The following ADAMTS12 variants were observed in gnomAD, a reference collection of about 807,000 sequenced individuals.
ADAMTS12 encodes A disintegrin and metalloproteinase with thrombospondin motifs 12.
A neutral mutation model predicts 167.8 loss-of-function variants in ADAMTS12; 118 were observed. The ratio of observed to expected loss-of-function variants is 0.70; its 90% CI spans 0.61 to 0.82. The LOEUF is 0.82. Ranked by LOEUF, ADAMTS12 falls within the 40% of genes least tolerant of loss-of-function variation. The pLI, the probability that ADAMTS12 is intolerant of heterozygous loss-of-function variation, is 0.00. For synonymous variants in ADAMTS12, 704 were observed against 716.9 expected (o/e 0.98, Z 0.29); for missense variants, 1,916 against 1,998.8 (o/e 0.96, Z 0.79).
intron 2 of ADAMTS12, among the ~76,000 whole-genome samples, chr5:33,781,148 G>A (rs1746110326): frequency 6.6e-6 from 1 of 151,920 alleles, no homozygotes; most frequent in South Asian, 2.1e-4. Context: ...TAAGAAAATA[G>A]ACAGCTCCAA....
chr5:33,761,122 C>T (rs1339891761), intron 2 of ADAMTS12, among the ~76,000 whole-genome samples: 5 of 151,660 alleles, frequency 3.3e-5, no homozygotes, highest in South Asian at 2.1e-4. Flanking sequence ...GCCATTATGG[C>T]GGATTTAGCC....
intron 16 of ADAMTS12, among the ~76,000 whole-genome samples, chr5:33,609,031 C>A (rs1465207798): frequency 6.6e-6 from 1 of 152,094 alleles, no homozygotes; most frequent in African/African-American, 2.4e-5. Flanking sequence ...TTATAGCCAT[C>A]CACATTAGTT....
chr5:33,572,213 A>G (rs1004583696), intron 19 of ADAMTS12, among the ~76,000 whole-genome samples: 1 of 152,176 alleles, frequency 6.6e-6, no homozygotes, highest in African/African-American at 2.4e-5. Context: ...ATTCCAATCA[A>G]TAGCAAAAGA....
chr5:33,603,132 A>G (rs975047891), intron 16 of ADAMTS12, among the ~76,000 whole-genome samples: 1 of 152,290 alleles, frequency 6.6e-6, no homozygotes, highest in African/African-American at 2.4e-5. Flanking sequence ...TCACGTTCAG[A>G]AGTGAGGAGC....
intron 2 of ADAMTS12, among the ~76,000 whole-genome samples, chr5:33,870,366 T>C (rs376666449): frequency 1.0e-3 from 159 of 152,322 alleles, no homozygotes; most frequent in African/African-American, 3.5e-3. Context: ...TGTTCAGAGA[T>C]TGCAGTAAAA....
intron 5 of ADAMTS12, among the ~76,000 whole-genome samples, chr5:33,663,084 C>T (rs1411058130): frequency 6.6e-6 from 1 of 152,228 alleles, no homozygotes; most frequent in Non-Finnish European, 1.5e-5. Context: ...TTTTAGGTCT[C>T]CTCGTCATAA....
chr5:33,721,689 AT>A (rs1356255524), intron 3 of ADAMTS12, among the ~76,000 whole-genome samples: 2 of 152,238 alleles, frequency 1.3e-5, no homozygotes, highest in African/African-American at 4.8e-5. Flanking sequence ...CAGAGTAAAT[AT>A]TTTAATCCTG....
chr5:33,634,870 T>C (rs1219330772), intron 12 of ADAMTS12, among the ~76,000 whole-genome samples: 2 of 152,110 alleles, frequency 1.3e-5, no homozygotes, highest in Admixed American at 6.6e-5. Context: ...ATTTTTAAAA[T>C]TTTTCTGTAG....
In ADAMTS12 at chr5:33,751,504, G is replaced by A. The variant is rs369582749; in HGVS notation, c.534C>T (p.Pro178=). The A allele has an allele frequency of 2.7e-5, 43 of 1,613,828 alleles. No homozygotes were observed. Among genetic ancestry groups the A allele is most frequent in the African/African-American group, 1.6e-4 (12 of 74,848 alleles). Residue 178 remains proline (P), a synonymous_variant, in exon 3 of 24, where the codon CCC becomes CCT. Coordinates refer to ENST00000504830, the MANE Select transcript of ADAMTS12 (RefSeq NM_030955.4). The stretch of plus-strand genomic sequence containing the variant: ...CCTCAACCAGTGGATGCTTCTTCAC[G>A]GGTTCAATGAAAAAGTCTCCATGTG... ...QLPHGDFFIE[P]VKKHPLVEGG...
intron 13 of ADAMTS12, among the ~76,000 whole-genome samples, chr5:33,627,011 C>T (rs1228585288): frequency 3.0e-5 from 4 of 132,748 alleles, no homozygotes; most frequent in Non-Finnish European, 4.8e-5. Context: ...GGTGGTGATG[C>T]AGTAGGGTAG....
At chr5:33,599,626 T>C (rs1462162177) in intron 16 of ADAMTS12, among the ~76,000 whole-genome samples, 1 of 152,172 alleles carries the variant, frequency 6.6e-6, no homozygotes, top group Non-Finnish European at 1.5e-5. Flanking sequence ...TTACCTTTCT[T>C]AATTTCCCTA....
intron 19 of ADAMTS12, among the ~76,000 whole-genome samples, chr5:33,571,073 C>G (rs1265293850): frequency 6.6e-6 from 1 of 152,174 alleles, no homozygotes; most frequent in African/African-American, 2.4e-5. Context: ...GCACCCAATA[C>G]AGGAGCACCC....
chr5:33,729,768 CAG>C (rs1383515801), intron 3 of ADAMTS12, among the ~76,000 whole-genome samples: 2 of 152,148 alleles, frequency 1.3e-5, no homozygotes, highest in Non-Finnish European at 2.9e-5. Flanking sequence ...TGGCAAGTGG[CAG>C]AGTGTCCCAA....
intron 18 of ADAMTS12, among the ~76,000 whole-genome samples, chr5:33,582,524 C>A (rs1186942416): frequency 1.3e-5 from 2 of 152,330 alleles, no homozygotes; most frequent in East Asian, 1.9e-4. Flanking sequence ...TTTGCTGCCA[C>A]GTCTTCTATC....
intron 2 of ADAMTS12, among the ~76,000 whole-genome samples, chr5:33,796,379 C>T (rs1442583796): frequency 6.6e-6 from 1 of 152,228 alleles, no homozygotes; most frequent in African/African-American, 2.4e-5. Context: ...AATTACAGAA[C>T]ACAGTATGAC....
chr5:33,828,061 G>C (rs1291239970), intron 2 of ADAMTS12, among the ~76,000 whole-genome samples: 2 of 152,138 alleles, frequency 1.3e-5, no homozygotes, highest in African/African-American at 4.8e-5. Context: ...CCAGGAATGG[G>C]ATGGTTGGGT....
intron 4 of ADAMTS12, 29 bp from the exon 5 acceptor site, chr5:33,683,130 TC>T: frequency 6.6e-7 from 1 of 1,516,316 alleles, no homozygotes; most frequent in Non-Finnish European, 9.1e-7. Flanking sequence ...AACCATTAGC[TC>T]CACACGAAGA....
At chr5:33,712,781 G>C (rs1743450087) in intron 3 of ADAMTS12, among the ~76,000 whole-genome samples, 1 of 152,092 alleles carries the variant, frequency 6.6e-6, no homozygotes, top group Non-Finnish European at 1.5e-5. Context: ...AAGAGGTGAA[G>C]CTGGTTGAGA....
chr5:33,630,461 CAAATT>C (rs1410204096), intron 13 of ADAMTS12, among the ~76,000 whole-genome samples: 1 of 152,160 alleles, frequency 6.6e-6, no homozygotes, highest in Admixed American at 6.5e-5. Context: ...CAGTTTTTCT[CAAATT>C]TAATGCCACT....
Sources: allele counts gnomAD v4.1 joint callset (sites outside exome capture counted in the v4.1 genomes callset), GRCh38; gene constraint gnomAD v4.1.1; transcripts MANE v1.5; gene names NCBI Gene and HGNC (gene_info 2026-07-23, HGNC 2026-07-21).